Variants in KSR2 observed in about 807,000 individuals in gnomAD.
The protein encoded by KSR2 is kinase suppressor of ras 2.
Under a neutral mutation model 107.8 loss-of-function variants are expected in KSR2, and 25 were observed. The observed-to-expected ratio is 0.23, with a 90% CI of 0.17 to 0.32. KSR2 has a LOEUF of 0.32. Ranked by LOEUF, KSR2 falls within the 10% of genes least tolerant of loss-of-function variation. KSR2 has a pLI of 1.00. For missense variants in KSR2, 887 were observed against 1,268.9 expected, an observed-to-expected ratio of 0.70 and a Z score of 4.57; for synonymous variants, 480 against 507.0, an observed-to-expected ratio of 0.95 and a Z score of 0.71.
chr12:117,716,954 A>G (rs1002462777), intron 4 of KSR2, among the ~76,000 whole-genome samples: 1 of 152,186 alleles, frequency 6.6e-6, no homozygotes, highest in Non-Finnish European at 1.5e-5. Context: ...ATATGACCCA[A>G]CTTCCTCCAG....
At position 117,667,459 on chromosome 12, in the gene KSR2, G is replaced by A. The variant is rs181453852; in HGVS notation, c.1171+15C>T. On this transcript the variant is annotated intron_variant, in intron 5 of 19. Coordinates refer to ENST00000339824, the MANE Select transcript of KSR2 (RefSeq NM_173598.6). ...ATGGCAAGCGTTCCCAGTGCAGCCC[G>A]GCAGGGTGACTTACTTGCAGAGAAG... is the stretch of plus-strand genomic sequence containing the variant. 7.5e-5 allele frequency: 121 copies of A among 1,605,128 alleles called. 2 individuals carry two copies. In the East Asian group the frequency reaches 1.1e-3, roughly 15 times the overall value.
chr12:117,557,912 G>A (rs191866827), intron 8 of KSR2, among the ~76,000 whole-genome samples: 1 of 152,116 alleles, frequency 6.6e-6, no homozygotes, highest in Non-Finnish European at 1.5e-5. Flanking sequence ...TGGCAGCCAG[G>A]AAAAAGCCTT....
chr12:117,581,833 T>A (rs114404288), intron 6 of KSR2, among the ~76,000 whole-genome samples: 2,483 of 152,218 alleles, frequency 0.016, 66 homozygotes, highest in African/African-American at 0.056. Context: ...GACCAAAAAT[T>A]AGGACATAAA....
chr12:117,657,857 C>A (rs187669697), intron 5 of KSR2, among the ~76,000 whole-genome samples: 108 of 152,348 alleles, frequency 7.1e-4, no homozygotes, highest in Non-Finnish European at 1.3e-3. Context: ...CTGACGTAGT[C>A]ACTGCCTTCA....
chr12:117,508,133 CT>C (rs1474537879), intron 14 of KSR2, among the ~76,000 whole-genome samples: 1 of 152,182 alleles, frequency 6.6e-6, no homozygotes, highest in Non-Finnish European at 1.5e-5. Context: ...GAGGGGGAGT[CT>C]GTTTTATGTT....
chr12:117,791,276 C>T lies in KSR2; in HGVS notation c.473-29752G>A, dbSNP rs1418873831. 2.0e-5 allele frequency among the ~76,000 whole-genome samples: 3 copies of T among 152,170 alleles called. No individual in the cohort carries two copies. In the East Asian group the frequency reaches 5.8e-4, roughly 29 times the overall value. On this transcript the variant is annotated intron_variant, in intron 3 of 19. Transcript: ENST00000339824. The stretch of plus-strand genomic sequence containing the variant: ...TGCTTCCTGTCACACCGATCCTTAG[C>T]CTACATGTCACCTTCTCAAAGAAGC...
chr12:117,554,903 C>T (rs1765794352), intron 9 of KSR2, among the ~76,000 whole-genome samples: 1 of 152,192 alleles, frequency 6.6e-6, no homozygotes, highest in Non-Finnish European at 1.5e-5. Context: ...TAAGTCTCTC[C>T]TCCCATCCGT....
At chr12:117,794,445 TGCACA>T (rs1890516826) in intron 3 of KSR2, among the ~76,000 whole-genome samples, 1 of 40,492 alleles carries the variant, frequency 2.5e-5, no homozygotes, top group African/African-American at 1.2e-4. Context: ...CACACCAACA[TGCACA>T]CACACCAACA....
intron 3 of KSR2, among the ~76,000 whole-genome samples, chr12:117,837,632 A>T (rs1892279567): frequency 6.6e-6 from 1 of 152,178 alleles, no homozygotes; most frequent in African/African-American, 2.4e-5. Flanking sequence ...CAAGGTCTTT[A>T]CAAGTGGAGC....
chr12:117,859,275 A>G (rs1397912686), intron 2 of KSR2, among the ~76,000 whole-genome samples: 1 of 150,112 alleles, frequency 6.7e-6, no homozygotes, highest in African/African-American at 2.5e-5. Context: ...CCTCCCGAGT[A>G]GCTGGGACTG....
chr12:117,704,138 G>A (rs1886430965), intron 4 of KSR2, among the ~76,000 whole-genome samples: 2 of 152,026 alleles, frequency 1.3e-5, no homozygotes, highest in Admixed American at 6.5e-5. Flanking sequence ...TGGAACAAAT[G>A]CATATTCATG....
At position 117,533,773 on chromosome 12, in the gene KSR2, C is replaced by T. The variant is rs79408416; in HGVS notation, c.1688-2066G>A. 7.9e-3 allele frequency among the ~76,000 whole-genome samples: 1,207 copies of T among 152,230 alleles called. 15 individuals are homozygous for T. Among genetic ancestry groups the T allele is most frequent in the African/African-American group, 0.027 (1,142 of 41,534 alleles). ...TGACAGCTATGTTCTTTTTGGGCAA[C>T]GGAGAGCAGGAGCTGCTTCAGAGAG... is the stretch of plus-strand genomic sequence containing the variant. On this transcript the variant is annotated intron_variant, in intron 10 of 19. Transcript: ENST00000339824.
At chr12:117,779,302 A>G (rs937018824) in intron 3 of KSR2, among the ~76,000 whole-genome samples, 7 of 152,302 alleles carry the variant, frequency 4.6e-5, no homozygotes, top group Admixed American at 4.6e-4. Flanking sequence ...CTGCCAACAT[A>G]ACTTCTTGCC....
chr12:117,583,429 ATGGATG>A (rs1293325175), intron 5 of KSR2, among the ~76,000 whole-genome samples: 2 of 148,286 alleles, frequency 1.3e-5, no homozygotes, highest in Non-Finnish European at 3.0e-5. Flanking sequence ...GGATGGATGG[ATGGATG>A]GATGGATGGA....
At chr12:117,812,859 A>AAAAAAAAAAAAAAAAAC (rs1891244680) in intron 3 of KSR2, among the ~76,000 whole-genome samples, 1 of 148,022 alleles carries the variant, frequency 6.8e-6, no homozygotes, top group African/African-American at 2.5e-5. Flanking sequence ...AAAAAAAAAA[A>AAAAAAAAAAAAAAAAAC]TCATCCTGAG....
At chr12:117,476,206 A>C (rs1871765066) in intron 17 of KSR2, among the ~76,000 whole-genome samples, 1 of 152,258 alleles carries the variant, frequency 6.6e-6, no homozygotes, top group Non-Finnish European at 1.5e-5. Flanking sequence ...TAGGCAGCCA[A>C]CAAATAGCTA....
intron 5 of KSR2, among the ~76,000 whole-genome samples, chr12:117,616,978 A>T (rs1270025724): frequency 7.2e-5 from 11 of 152,190 alleles, no homozygotes; most frequent in African/African-American, 2.7e-4. Context: ...ATTAACCAGA[A>T]ATTCATTTCA....
chr12:117,799,829 T>C (rs1291481802), intron 3 of KSR2, among the ~76,000 whole-genome samples: 1 of 152,190 alleles, frequency 6.6e-6, no homozygotes, highest in African/African-American at 2.4e-5. Flanking sequence ...TAGTGATGAT[T>C]GTTGAGACTC....
intron 5 of KSR2, among the ~76,000 whole-genome samples, chr12:117,661,936 G>A (rs564279679): frequency 2.0e-5 from 3 of 152,296 alleles, no homozygotes; most frequent in South Asian, 2.1e-4. Flanking sequence ...GTAGCATTTT[G>A]TTTATTTCCA....
Sources: gnomAD v4.1 joint callset for allele counts (sites outside exome capture counted in the v4.1 genomes callset) on GRCh38, gnomAD v4.1.1 for gene constraint, MANE v1.5 for transcripts, NCBI Gene and HGNC (gene_info 2026-07-23, HGNC 2026-07-21) for gene names.